Variants in GPR158 observed in about 807,000 individuals in gnomAD.
The protein encoded by GPR158 is metabotropic glycine receptor.
Under a neutral mutation model 78.2 loss-of-function variants are expected in GPR158, and 30 were observed. The ratio of observed to expected loss-of-function variants is 0.38; its 90% CI spans 0.29 to 0.52. The LOEUF (loss-of-function observed/expected upper bound fraction) is 0.52. Ranked by LOEUF, GPR158 falls within the 20% of genes least tolerant of loss-of-function variation. The pLI is 0.83. For missense variants in GPR158, 1,463 were observed against 1,523.5 expected (o/e 0.96, Z 0.66); for synonymous variants, 581 against 591.1 (o/e 0.98, Z 0.25).
chr10:25,373,148 A>G (rs1159773157), intron 2 of GPR158, among the ~76,000 whole-genome samples: 1 of 151,960 alleles, frequency 6.6e-6, no homozygotes, highest in African/African-American at 2.4e-5. Context: ...CCTCTGTAGC[A>G]GCATGGATGG....
At position 25,329,873 on chromosome 10, in the gene GPR158, C is replaced by T. The variant is rs188003655; in HGVS notation, c.1009-66038C>T. Reference sequence around the variant, plus strand: ...TGCAGTGAGTCAAGACCGTGTTTCTCTCAGCTACTGCAAATAATAATGTTA... The same window carrying T: ...TGCAGTGAGTCAAGACCGTGTTTCTTTCAGCTACTGCAAATAATAATGTTA... On this transcript the variant is annotated intron_variant, in intron 2 of 10. Coordinates refer to ENST00000376351, the MANE Select transcript of GPR158 (RefSeq NM_020752.3). Among the ~76,000 whole-genome samples the T allele has an allele frequency of 3.3e-3, 505 of 152,182 alleles. 2 individuals are homozygous for T. The highest frequency in any genetic ancestry group is 0.011 in the African/African-American group (465 of 41,502).
chr10:25,502,308 A>G (rs563610683), intron 5 of GPR158, among the ~76,000 whole-genome samples: 5 of 152,312 alleles, frequency 3.3e-5, no homozygotes, highest in African/African-American at 9.6e-5. Context: ...GACCCGTGAC[A>G]GGGGAGAAAA....
At chr10:25,196,478 A>T (rs961032392) in intron 1 of GPR158, among the ~76,000 whole-genome samples, 1 of 152,080 alleles carries the variant, frequency 6.6e-6, no homozygotes, top group East Asian at 1.9e-4. Context: ...GTTCTCCTTT[A>T]TGCCACCAGT....
At chr10:25,521,176 G>A (rs1442776379) in intron 5 of GPR158, among the ~76,000 whole-genome samples, 2 of 152,208 alleles carry the variant, frequency 1.3e-5, no homozygotes, top group African/African-American at 4.8e-5. Context: ...GAAACTCCCT[G>A]ACCCCTTGCG....
intron 4 of GPR158, among the ~76,000 whole-genome samples, chr10:25,426,036 AAACT>A (rs1476108613): frequency 6.6e-6 from 1 of 152,144 alleles, no homozygotes; most frequent in African/African-American, 2.4e-5. Flanking sequence ...GGGGTTAAAC[AAACT>A]AAGTTAAAAT....
chr10:25,560,112 T>A (rs562638119), intron 6 of GPR158, among the ~76,000 whole-genome samples: 51 of 152,320 alleles, frequency 3.3e-4, no homozygotes, highest in Non-Finnish European at 4.6e-4. Flanking sequence ...GCTATAAATA[T>A]GAGCAGTCAA....
intron 3 of GPR158, among the ~76,000 whole-genome samples, chr10:25,400,696 C>T (rs781688441): frequency 2.0e-5 from 3 of 152,312 alleles, no homozygotes; most frequent in South Asian, 2.1e-4. Flanking sequence ...ATCTTCCTCA[C>T]GTTCATCTAT....
chr10:25,176,146 GC>G lies in GPR158; in HGVS notation c.730del (p.Arg244GlyfsTer61). 6.4e-7 allele frequency: 1 copy of G among 1,571,536 alleles called. No homozygotes were observed. The highest frequency in any genetic ancestry group is 8.6e-7 in the Non-Finnish European group (1 of 1,159,986). ...HLHRRGPNQG[P>X]RGLGHSWRRK... ...TACACCGCCGCGGCCCCAATCAGGGGCCCCGGGGCCTGGGCCACAGCTGGCG... is the reference window on the plus strand; with the variant it reads ...TACACCGCCGCGGCCCCAATCAGGGGCCCGGGGCCTGGGCCACAGCTGGCG... On this transcript the variant is annotated frameshift_variant, in exon 1 of 11. Coordinates refer to ENST00000376351, the MANE Select transcript of GPR158 (RefSeq NM_020752.3). LOFTEE classifies it high-confidence loss of function. This position sits in a 1 kb window ranked among gnomAD's most constrained non-coding sequence, Gnocchi z 6.3.
At chr10:25,342,260 C>T (rs1442035980) in intron 2 of GPR158, among the ~76,000 whole-genome samples, 3 of 147,216 alleles carry the variant, frequency 2.0e-5, no homozygotes, top group Admixed American at 6.8e-5. Flanking sequence ...TTTTTTAGGC[C>T]TAGATGCTAG....
intron 5 of GPR158, among the ~76,000 whole-genome samples, chr10:25,496,895 A>C (rs1311316900): frequency 7.2e-5 from 11 of 152,198 alleles, no homozygotes; most frequent in Admixed American, 6.5e-4. Flanking sequence ...GAAGTATCTC[A>C]GTTGCCAAAT....
At chr10:25,375,023 AT>A (rs1243024770) in intron 2 of GPR158, among the ~76,000 whole-genome samples, 1 of 151,552 alleles carries the variant, frequency 6.6e-6, no homozygotes, top group Non-Finnish European at 1.5e-5. Flanking sequence ...TATCTGAGAG[AT>A]TTAGTTTCTC....
chr10:25,501,656 A>G (rs1835947219), intron 5 of GPR158, among the ~76,000 whole-genome samples: 3 of 152,198 alleles, frequency 2.0e-5, no homozygotes, highest in Admixed American at 2.0e-4. Context: ...GGCTCTGGCC[A>G]GTGTGCGCTC....
chr10:25,587,391 A>G (rs977460954), intron 7 of GPR158, among the ~76,000 whole-genome samples: 2 of 152,236 alleles, frequency 1.3e-5, no homozygotes, highest in Non-Finnish European at 2.9e-5. Context: ...AAATAATTTC[A>G]GCAAATAAGG....
At chr10:25,482,026 G>A (rs908782045) in intron 5 of GPR158, among the ~76,000 whole-genome samples, 1 of 151,984 alleles carries the variant, frequency 6.6e-6, no homozygotes. Flanking sequence ...TTGCCTTCCT[G>A]CTTGACCATA....
intron 2 of GPR158, among the ~76,000 whole-genome samples, chr10:25,395,057 T>C (rs1834348647): frequency 6.6e-6 from 1 of 152,168 alleles, no homozygotes; most frequent in Admixed American, 6.6e-5. Context: ...GCTCCAGTTT[T>C]ACTGATGTAG....
At chr10:25,514,806 A>G (rs1836138406) in intron 5 of GPR158, among the ~76,000 whole-genome samples, 1 of 152,106 alleles carries the variant, frequency 6.6e-6, no homozygotes, top group Non-Finnish European at 1.5e-5. Flanking sequence ...TTCTTGGCTG[A>G]TAACTGTTTT....
Position 25,330,922 on chromosome 10 carries a change from A to T in GPR158, c.1009-64989A>T, listed in dbSNP as rs1855110779. On this transcript the variant is annotated intron_variant, in intron 2 of 10. Coordinates refer to ENST00000376351, the MANE Select transcript of GPR158 (RefSeq NM_020752.3). ...AATAGTAATCGAATAGTAAATGCCC[A>T]TTTTTATTTTTTAAAATATTTTGTT... Among the ~76,000 whole-genome samples, 3 of 152,280 alleles carry T rather than the reference A, an allele frequency of 2.0e-5. No homozygotes were observed. The South Asian group carries it at 6.2e-4, about 32-fold the overall frequency.
chr10:25,252,079 G>A (rs1015633259), intron 2 of GPR158, among the ~76,000 whole-genome samples: 56 of 151,986 alleles, frequency 3.7e-4, no homozygotes, highest in African/African-American at 1.3e-3. Context: ...TTCCATTGCT[G>A]ACACCCTTTC....
At chr10:25,356,028 T>G (rs1855545079) in intron 2 of GPR158, among the ~76,000 whole-genome samples, 1 of 152,072 alleles carries the variant, frequency 6.6e-6, no homozygotes, top group Non-Finnish European at 1.5e-5. Flanking sequence ...ATGCTTCTCA[T>G]GAGTTGAGGC....
Sources: gnomAD v4.1 joint callset for allele counts (sites outside exome capture counted in the v4.1 genomes callset) on GRCh38, gnomAD v4.1.1 for gene constraint, Gnocchi (gnomAD v3.1) non-coding constraint, MANE v1.5 for transcripts, NCBI Gene and HGNC (gene_info 2026-07-23, HGNC 2026-07-21) for gene names.